TOP1: variants seen among roughly 807,000 people sequenced by gnomAD.
The protein encoded by TOP1 is DNA topoisomerase 1.
TOP1 carries 10 observed loss-of-function variants against 111.1 expected under a neutral mutation model. That is an observed-to-expected ratio of 0.09 (90% CI 0.06 to 0.15). The LOEUF is 0.15. Among genes scored for constraint, TOP1 ranks in the 10% least tolerant of loss-of-function variants. The pLI is 1.00. For missense variants in TOP1, 474 were observed against 926.7 expected (o/e 0.51, Z 6.34); for synonymous variants, 271 against 302.9 (o/e 0.89, Z 1.10).
At position 41,112,587 on chromosome 20, in the gene TOP1, C is replaced by CG. The variant is rs1357096290; in HGVS notation, c.1309-195_1309-194insG. On this transcript the variant is annotated intron_variant, in intron 13 of 20. Transcript: ENST00000361337. The surrounding 1 kb of genome is among the most constrained non-coding windows in gnomAD (Gnocchi z 5.8). ...TTTTGTTCAAAGTCTTGCTTTGTCA[C>CG]CCATGGTGGAGTGCAGTGGCGTGAT... 1.4e-4 allele frequency among the ~76,000 whole-genome samples: 22 copies of CG among 152,240 alleles called. No homozygotes were observed. The highest frequency in any genetic ancestry group is 4.8e-4 in the African/African-American group (20 of 41,468).
chr20:41,106,349 T>C lies in TOP1; in HGVS notation c.1308+4996T>C, dbSNP rs1354665991. ...AAATTGCTTTGGCTATTCTTGGCCC[T>C]CTGCTGTTTCATATTAACTTTCAGA... is the stretch of plus-strand genomic sequence containing the variant. On this transcript the variant is annotated intron_variant, in intron 13 of 20. Coordinates refer to ENST00000361337, the MANE Select transcript of TOP1 (RefSeq NM_003286.4). The surrounding 1 kb of genome is among the most constrained non-coding windows in gnomAD (Gnocchi z 4.3). Among the ~76,000 whole-genome samples the C allele has an allele frequency of 6.6e-6, 1 of 152,228 alleles. No homozygotes were observed. The highest frequency in any genetic ancestry group is 6.5e-5 in the Admixed American group (1 of 15,284).
chr20:41,054,481 G>A (rs1188758181), intron 2 of TOP1, among the ~76,000 whole-genome samples: 1 of 152,176 alleles, frequency 6.6e-6, no homozygotes, highest in Non-Finnish European at 1.5e-5. Context: ...GTCTTTATTA[G>A]CAGCGTGAGA....
chr20:41,079,479 T>C lies in TOP1; in HGVS notation c.336-606T>C, dbSNP rs970113008. Reference sequence around the variant, plus strand: ...CTTCTGTATATAAAGTAAACCTAAGTTAGGACGTTGAACAATGAATAGATT... The same window carrying C: ...CTTCTGTATATAAAGTAAACCTAAGCTAGGACGTTGAACAATGAATAGATT... On this transcript the variant is annotated intron_variant, in intron 5 of 20. Transcript: ENST00000361337. The surrounding 1 kb of genome is among the most constrained non-coding windows in gnomAD (Gnocchi z 4.0). 6.6e-6 allele frequency among the ~76,000 whole-genome samples: 1 copy of C among 152,236 alleles called. No homozygotes were observed. The highest frequency in any genetic ancestry group is 2.4e-5 in the African/African-American group (1 of 41,464).
At position 41,067,622 on chromosome 20, in the gene TOP1, T is replaced by C. The variant is rs1402459354; in HGVS notation, c.155+6132T>C. On this transcript the variant is annotated intron_variant, in intron 3 of 20. Transcript: ENST00000361337. This position sits in a 1 kb window ranked among gnomAD's most constrained non-coding sequence, Gnocchi z 4.0. Reference sequence around the variant, plus strand: ...TATTCCAATCCTTGCTAATCAATTGTAGCTAATTTTGTGGCCATTTGTTAG... The same window carrying C: ...TATTCCAATCCTTGCTAATCAATTGCAGCTAATTTTGTGGCCATTTGTTAG... 6.6e-6 allele frequency among the ~76,000 whole-genome samples: 1 copy of C among 152,258 alleles called. No individual in the cohort carries two copies. Among genetic ancestry groups the C allele is most frequent in the East Asian group, 1.9e-4 (1 of 5,202 alleles).
intron 2 of TOP1, among the ~76,000 whole-genome samples, chr20:41,041,882 C>A (rs2122596730): frequency 7.4e-6 from 1 of 135,348 alleles, no homozygotes; most frequent in East Asian, 2.5e-4. Context: ...ATAAAGCTTA[C>A]AGGGTGATGA....
chr20:41,088,236 C>A (rs1425808734), intron 8 of TOP1, among the ~76,000 whole-genome samples: 5 of 152,180 alleles, frequency 3.3e-5, no homozygotes, highest in Non-Finnish European at 5.9e-5. Context: ...TGGTGGCTCA[C>A]GCCTGTAATC....
In TOP1 at chr20:41,071,350, A is replaced by ATT. The variant is rs578091543; in HGVS notation, c.156-4809_156-4808dup. On this transcript the variant is annotated intron_variant, in intron 3 of 20. Coordinates refer to ENST00000361337, the MANE Select transcript of TOP1 (RefSeq NM_003286.4). The surrounding 1 kb of genome is among the most constrained non-coding windows in gnomAD (Gnocchi z 4.3). The stretch of plus-strand genomic sequence containing the variant: ...TTATTTTTTTCTTTCCTTTTTTTAA[A>ATT]TTTTTTTTTTTTTGAGATGGAGCCT... Among the ~76,000 whole-genome samples, 36 of 146,650 alleles carry ATT rather than the reference A, an allele frequency of 2.5e-4. No individual in the cohort carries two copies. The East Asian group carries it at 4.4e-3, about 18-fold the overall frequency.
chr20:41,084,325 A>G (rs1474591567), intron 7 of TOP1, 137 bp from the exon 8 acceptor site: 1 of 451,034 alleles, frequency 2.2e-6, no homozygotes, highest in Non-Finnish European at 4.1e-6. Context: ...TCATCTGTCA[A>G]ATGAGAGGAG....
At position 41,100,020 on chromosome 20, in the gene TOP1, T is replaced by G. The variant is rs150983403; in HGVS notation, c.976-36T>G. 612 of 1,489,924 alleles carry G rather than the reference T, an allele frequency of 4.1e-4. 6 individuals carry two copies. In the East Asian group the frequency reaches 0.014, roughly 34 times the overall value. 92.3% of individuals were successfully genotyped at this position (1,489,924 alleles called of 1,614,324 possible). A position where few individuals can be genotyped will look rare whatever the true frequency, so the allele number is the denominator to read the frequency against. On this transcript the variant is annotated intron_variant, in intron 11 of 20. Transcript: ENST00000361337. The surrounding 1 kb of genome is among the most constrained non-coding windows in gnomAD (Gnocchi z 4.4). ...AATGCATTAGTAGAGAACAGCAATCTGAATCTATTTTGAGTACTTTCTTGC... is the reference window on the plus strand; with the variant it reads ...AATGCATTAGTAGAGAACAGCAATCGGAATCTATTTTGAGTACTTTCTTGC...
At chr20:41,113,915 T>G (rs2145965642) in intron 14 of TOP1, 55 bp from the exon 15 acceptor site, 27 of 1,267,768 alleles carry the variant, frequency 2.1e-5, no homozygotes, top group Non-Finnish European at 2.9e-5. Context: ...AACGAAATTG[T>G]GTAAGGATCA....
At chr20:41,105,200 CAA>C (rs2034126863) in intron 13 of TOP1, among the ~76,000 whole-genome samples, 1 of 151,988 alleles carries the variant, frequency 6.6e-6, no homozygotes, top group East Asian at 1.9e-4. Flanking sequence ...TGTTCATAAA[CAA>C]TATGTAATTT....
In TOP1 at chr20:41,072,992, A is replaced by G. The variant is rs143720460; in HGVS notation, c.156-3179A>G. The G allele has an allele frequency of 7.1e-6, 7 of 985,426 alleles. No individual in the cohort carries two copies. The East Asian group carries it at 3.4e-4, about 48-fold the overall frequency. The allele number at this position is 985,426 out of a possible 1,614,324, so 61.0% of individuals were successfully genotyped here. A position where few individuals can be genotyped will look rare whatever the true frequency, so the allele number is the denominator to read the frequency against. ...TTAATTGTGACCTACAAAGGGGTTTACTACTCTAGCAGGAACTTTGAATTT... is the reference window on the plus strand; with the variant it reads ...TTAATTGTGACCTACAAAGGGGTTTGCTACTCTAGCAGGAACTTTGAATTT... On this transcript the variant is annotated intron_variant, in intron 3 of 20. Coordinates refer to ENST00000361337, the MANE Select transcript of TOP1 (RefSeq NM_003286.4).
At chr20:41,096,578 C>T (rs1024738112) in intron 9 of TOP1, among the ~76,000 whole-genome samples, 1 of 152,208 alleles carries the variant, frequency 6.6e-6, no homozygotes, top group Non-Finnish European at 1.5e-5. Context: ...GCCTGGGATT[C>T]TGCATTTCTA....
At chr20:41,042,318 A>ATAG (rs1568672193) in intron 2 of TOP1, among the ~76,000 whole-genome samples, 8 of 152,266 alleles carry the variant, frequency 5.3e-5, no homozygotes, top group Non-Finnish European at 8.8e-5. Context: ...GTGAGCATTT[A>ATAG]CCAAATAGCA....
chr20:41,122,258 C>T lies in TOP1; in HGVS notation c.2195+103C>T. 2 of 1,225,512 alleles carry T rather than the reference C, an allele frequency of 1.6e-6. No individual in the cohort carries two copies. The highest frequency in any genetic ancestry group is 1.2e-6 in the Non-Finnish European group (1 of 860,586). 75.9% of individuals were successfully genotyped at this position (1,225,512 alleles called of 1,614,324 possible). ...TCACATGCCATTCCTAAGCTACACA[C>T]TTTAGTCCTCTGGGGAAACTTCTGG... On this transcript the variant is annotated intron_variant, in intron 20 of 20. Transcript: ENST00000361337. This position sits in a 1 kb window ranked among gnomAD's most constrained non-coding sequence, Gnocchi z 5.4.
intron 2 of TOP1, among the ~76,000 whole-genome samples, chr20:41,052,230 A>G (rs1486292676): frequency 6.6e-6 from 1 of 152,160 alleles, no homozygotes; most frequent in African/African-American, 2.4e-5. Context: ...TCACTGTTGC[A>G]CTGGTCTGCT....
rs2033500318 is a variant in TOP1, at chr20:41,058,338, G to A, written c.59-3056G>A. ...ACACTTATTTTCTCATGTAGTTCCT[G>A]TGAGTCAGGAATCCAGACATAGTTT... On this transcript the variant is annotated intron_variant, in intron 2 of 20. Transcript: ENST00000361337. This position sits in a 1 kb window ranked among gnomAD's most constrained non-coding sequence, Gnocchi z 4.2. 6.6e-6 allele frequency among the ~76,000 whole-genome samples: 1 copy of A among 152,220 alleles called. No individual in the cohort carries two copies. Among genetic ancestry groups the A allele is most frequent in the South Asian group, 2.1e-4 (1 of 4,832 alleles).
In TOP1 at chr20:41,069,745, A is replaced by T. The variant is rs528083939; in HGVS notation, c.156-6426A>T. Among the ~76,000 whole-genome samples the T allele has an allele frequency of 2.2e-4, 33 of 152,344 alleles. No individual in the cohort carries two copies. Among genetic ancestry groups the T allele is most frequent in the Middle Eastern group, 6.8e-3 (2 of 294 alleles). ...AATTCAGTAGTTATTGATAGCATTC[A>T]ATTTGGAGCCCTGATATTTTCAATA... On this transcript the variant is annotated intron_variant, in intron 3 of 20. Transcript: ENST00000361337. The surrounding 1 kb of genome is among the most constrained non-coding windows in gnomAD (Gnocchi z 4.1).
At chr20:41,070,847 C>T (rs1041156896) in intron 3 of TOP1, among the ~76,000 whole-genome samples, 1 of 152,220 alleles carries the variant, frequency 6.6e-6, no homozygotes, top group African/African-American at 2.4e-5. Flanking sequence ...TGGAGCCAGA[C>T]TGCCTGAGTT....
Sources: gnomAD v4.1 joint callset for allele counts (sites outside exome capture counted in the v4.1 genomes callset) on GRCh38, gnomAD v4.1.1 for gene constraint, Gnocchi (gnomAD v3.1) non-coding constraint, MANE v1.5 for transcripts, NCBI Gene and HGNC (gene_info 2026-07-23, HGNC 2026-07-21) for gene names.